HMCN2: variants seen among roughly 807,000 people sequenced by gnomAD.
HMCN2 encodes hemicentin-2.
Under a neutral mutation model 377.5 loss-of-function variants are expected in HMCN2, and 325 were observed. That is an observed-to-expected ratio of 0.86 (90% CI 0.79 to 0.94). The LOEUF (loss-of-function observed/expected upper bound fraction) is 0.94. Ranked by LOEUF, HMCN2 falls within the 40% of genes least tolerant of loss-of-function variation. The pLI is 0.00. For synonymous variants in HMCN2, 2,007 were observed against 2,046.8 expected (o/e 0.98, Z 0.53); for missense variants, 4,543 against 4,725.3 (o/e 0.96, Z 1.13).
chr9:130,427,177 T>C (rs2131822710), intron 90 of HMCN2, 136 bp from the exon 91 acceptor site: 2 of 884,392 alleles, frequency 2.3e-6, no homozygotes, highest in Non-Finnish European at 3.5e-6. Context: ...GAAATGGGCT[T>C]GCTGACTCTC....
In HMCN2 at chr9:130,304,636, C is replaced by T. The variant is rs1836734865; in HGVS notation, c.1544-94C>T. The T allele has an allele frequency of 7.8e-6, 3 of 385,208 alleles. No homozygotes were observed. The highest frequency in any genetic ancestry group is 1.6e-5 in the Non-Finnish European group (3 of 186,350). The allele number at this position is 385,208 out of a possible 1,614,324, so 23.9% of individuals were successfully genotyped here. A position where few individuals can be genotyped will look rare whatever the true frequency, so the allele number is the denominator to read the frequency against. On this transcript the variant is annotated intron_variant, in intron 10 of 97. Transcript: ENST00000683500. The surrounding 1 kb of genome is among the most constrained non-coding windows in gnomAD (Gnocchi z 4.3). ...TGATCTGGTTCGGGTGGGCCTGCACCTCAGGGTGGGGTTCTGGGCAGCACC... is the reference window on the plus strand; with the variant it reads ...TGATCTGGTTCGGGTGGGCCTGCACTTCAGGGTGGGGTTCTGGGCAGCACC...
At position 130,347,283 on chromosome 9, in the gene HMCN2, C is replaced by G. The variant is rs1019084927; in HGVS notation, c.3947C>G (p.Ala1316Gly). 2.0e-5 allele frequency: 3 copies of G among 152,174 alleles called. No homozygotes were observed. Among genetic ancestry groups the G allele is most frequent in the African/African-American group, 7.2e-5 (3 of 41,412 alleles). 9.4% of individuals were successfully genotyped at this position (152,174 alleles called of 1,614,324 possible). Residue 1316 changes from alanine (A) to glycine (G), a missense_variant, in exon 26 of 98, where the codon GCG becomes GGG. Physicochemically the swap from Ala to Gly is moderately conservative, Grantham distance 60 (BLOSUM62 0). Coordinates refer to ENST00000683500, the MANE Select transcript of HMCN2 (RefSeq NM_001291815.2). This position sits in a 1 kb window ranked among gnomAD's most constrained non-coding sequence, Gnocchi z 5.1. ...GSLFLASVSP[A>G]DSGDYECQAT... The stretch of plus-strand genomic sequence containing the variant: ...CTGTTCCTGGCCTCCGTCTCACCTG[C>G]GGATAGTGGAGACTACGAGTGCCAG...
At chr9:130,388,275 A>T in intron 61 of HMCN2, 134 bp from the exon 62 acceptor site, 1 of 544,538 alleles carries the variant, frequency 1.8e-6, no homozygotes, top group Non-Finnish European at 2.4e-6. Context: ...GGTTCTATTT[A>T]CATTTGTGAA....
intron 97 of HMCN2, 31 bp from the exon 98 acceptor site, chr9:130,433,317 C>T (rs1159000443): frequency 2.9e-6 from 4 of 1,397,634 alleles, no homozygotes; most frequent in Non-Finnish European, 2.8e-6. Context: ...ACCCCCGAGT[C>T]CGCCTGTCCG....
rs62579551 is a variant in HMCN2 at position 130,360,165 on chromosome 9, C to T, written c.5774-263C>T. ...TGGGCAACATTGCCCGGTTCCATCCCGGTTCCCTTTCCTGAATGAAGAACT... is the reference window on the plus strand; with the variant it reads ...TGGGCAACATTGCCCGGTTCCATCCTGGTTCCCTTTCCTGAATGAAGAACT... On this transcript the variant is annotated intron_variant, in intron 37 of 97. Coordinates refer to ENST00000683500, the MANE Select transcript of HMCN2 (RefSeq NM_001291815.2). This position sits in a 1 kb window ranked among gnomAD's most constrained non-coding sequence, Gnocchi z 4.7. Among the ~76,000 whole-genome samples, 16,835 of 152,150 alleles carry T rather than the reference C, an allele frequency of 0.11. 1,006 individuals carry two copies. Among genetic ancestry groups the T allele is most frequent in the African/African-American group, 0.16 (6,431 of 41,488 alleles).
intron 76 of HMCN2, 55 bp downstream of exon 76, chr9:130,399,687 G>A (rs1340137115): frequency 2.6e-5 from 31 of 1,180,246 alleles, no homozygotes; most frequent in South Asian, 4.0e-5. Context: ...GCGCCTTCCC[G>A]CTCTTGGGTG....
At chr9:130,322,312 T>TAGAAACTAGCAGATGC (rs1837894566) in intron 19 of HMCN2, among the ~76,000 whole-genome samples, 1 of 133,482 alleles carries the variant, frequency 7.5e-6, no homozygotes, top group African/African-American at 2.8e-5. Flanking sequence ...CTATCATCTA[T>TAGAAACTAGCAGATGC]CTATCTAATC....
chr9:130,345,342 T>TAGTG (rs1250384284), intron 25 of HMCN2, among the ~76,000 whole-genome samples: 40,753 of 143,896 alleles, frequency 0.28, 6,109 homozygotes, highest in African/African-American at 0.43. Context: ...GTGTGTATGT[T>TAGTG]TGTGGTGTGT....
At chr9:130,284,524 T>G (rs986873993) in intron 1 of HMCN2, 79 bp from the exon 2 acceptor site, 4 of 464,736 alleles carry the variant, frequency 8.6e-6, no homozygotes, top group South Asian at 1.6e-5. Flanking sequence ...TCCATCCTCA[T>G]GTCGCCGACA....
rs1021871279 is a variant in HMCN2 at position 130,379,191 on chromosome 9, G to A, written c.8213-58G>A. 11 of 546,248 alleles carry A rather than the reference G, an allele frequency of 2.0e-5. No individual in the cohort carries two copies. In the African/African-American group the frequency reaches 2.3e-4, roughly 11 times the overall value. The allele number at this position is 546,248 out of a possible 1,614,324, so 33.8% of individuals were successfully genotyped here. On this transcript the variant is annotated intron_variant, in intron 53 of 97. Coordinates refer to ENST00000683500, the MANE Select transcript of HMCN2 (RefSeq NM_001291815.2). ...GCTGGGACGAGAATCTCCGTGAGCA[G>A]AGGTGCATTCCCCACCCCTCTGCTG...
In HMCN2 at chr9:130,366,131, G is replaced by T. The variant is rs150717855; in HGVS notation, c.6625+136G>T. On this transcript the variant is annotated intron_variant, in intron 43 of 97. Coordinates refer to ENST00000683500, the MANE Select transcript of HMCN2 (RefSeq NM_001291815.2). ...TATACCTCGAGGGGGTGGGGATGCT[G>T]GTTACAGAAGTGGTGCTTCCCCCAG... 205 of 626,824 alleles carry T rather than the reference G, an allele frequency of 3.3e-4. No individual in the cohort carries two copies. The African/African-American group carries it at 3.9e-3, about 12-fold the overall frequency. 38.8% of individuals were successfully genotyped at this position (626,824 alleles called of 1,614,324 possible). A position where few individuals can be genotyped will look rare whatever the true frequency, so the allele number is the denominator to read the frequency against.
rs987093527 is a variant in HMCN2 at position 130,391,530 on chromosome 9, A to G, written c.9908A>G (p.Asn3303Ser). The G allele has an allele frequency of 9.1e-6, 9 of 987,724 alleles. No homozygotes were observed. The highest frequency in any genetic ancestry group is 1.1e-5 in the Non-Finnish European group (9 of 830,138). The allele number at this position is 987,724 out of a possible 1,614,324, so 61.2% of individuals were successfully genotyped here. Reference protein sequence around the residue: ...DAGAYTCVAHNPAGEDARLHT... With the variant: ...DAGAYTCVAHSPAGEDARLHT... ...GGTGCCTACACCTGCGTGGCCCACA[A>G]CCCAGCCGGGGAGGACGCCAGGCTG... Residue 3303 changes from asparagine (N) to serine (S), a missense_variant, in exon 65 of 98, where the codon AAC becomes AGC. By Grantham distance (46) the Asn-to-Ser change is conservative (BLOSUM62 1). This residue lies in a region of HMCN2 where 1,073 missense variants were observed against 1,319.5 expected (regional missense o/e 0.81). Transcript: ENST00000683500.
intron 90 of HMCN2, 28 bp from the exon 91 acceptor site, chr9:130,427,285 C>T: frequency 6.5e-7 from 1 of 1,549,910 alleles, no homozygotes; most frequent in Non-Finnish European, 8.7e-7. Flanking sequence ...CCCTCATGTC[C>T]TTAGAGTCTA....
chr9:130,308,711 C>G lies in HMCN2; in HGVS notation c.2200+1145C>G, dbSNP rs1174461991. On this transcript the variant is annotated intron_variant, in intron 14 of 97. Transcript: ENST00000683500. The surrounding 1 kb of genome is among the most constrained non-coding windows in gnomAD (Gnocchi z 4.1). ...GGCCAAGAACCCCGTCAACCCAGCC[C>G]TAGAGCCCCACTTTAAAAGGTGGCC... Among the ~76,000 whole-genome samples the G allele has an allele frequency of 6.6e-6, 1 of 152,202 alleles. No homozygotes were observed. The highest frequency in any genetic ancestry group is 1.5e-5 in the Non-Finnish European group (1 of 68,026).
In HMCN2 at chr9:130,374,680, G is replaced by A. The variant is rs933834890; in HGVS notation, c.7617G>A (p.Gln2539=). The change falls in exon 49 of 98, where the codon CAG becomes CAA. Residue 2539 remains glutamine, a synonymous_variant. Coordinates refer to ENST00000683500, the MANE Select transcript of HMCN2 (RefSeq NM_001291815.2). ...NAVGEKTKHF[Q]LSVLLAPTIL... ...TTGGGGAGAAGACCAAACACTTCCA[G>A]CTCAGTGTCCTGTGTAAGTTTTGGG... is the stretch of plus-strand genomic sequence containing the variant. 3 of 985,700 alleles carry A rather than the reference G, an allele frequency of 3.0e-6. No homozygotes were observed. The African/African-American group carries it at 5.2e-5, about 17-fold the overall frequency. 61.1% of individuals were successfully genotyped at this position (985,700 alleles called of 1,614,324 possible).
At chr9:130,272,251 G>GT (rs1834444567) in intron 1 of HMCN2, among the ~76,000 whole-genome samples, 3 of 148,296 alleles carry the variant, frequency 2.0e-5, no homozygotes, top group South Asian at 2.2e-4. Flanking sequence ...TTTTGTTTTT[G>GT]TTTTTTTGAG....
chr9:130,276,882 C>G (rs548311800), intron 1 of HMCN2, among the ~76,000 whole-genome samples: 1 of 152,262 alleles, frequency 6.6e-6, no homozygotes, highest in South Asian at 2.1e-4. Flanking sequence ...TACCTGGGGT[C>G]ACTGCAGCTG....
intron 3 of HMCN2, among the ~76,000 whole-genome samples, 181 bp downstream of exon 3, chr9:130,285,497 G>A (rs1212575655): frequency 2.0e-5 from 3 of 152,252 alleles, no homozygotes; most frequent in Admixed American, 6.5e-5. Flanking sequence ...GGCCCAGGAA[G>A]TGTGAGTGTG....
At chr9:130,345,994 T>G (rs1437466478) in intron 25 of HMCN2, among the ~76,000 whole-genome samples, 4 of 152,026 alleles carry the variant, frequency 2.6e-5, no homozygotes, top group African/African-American at 4.8e-5. Context: ...GCCCACAGCA[T>G]AAGTGTCTAC....
Sources: gnomAD v4.1 joint callset for allele counts (sites outside exome capture counted in the v4.1 genomes callset) on GRCh38, gnomAD v4.1.1 for gene constraint, gnomAD v4.1.1 regional missense constraint, Gnocchi (gnomAD v3.1) non-coding constraint, MANE v1.5 for transcripts, NCBI Gene and HGNC (gene_info 2026-07-23, HGNC 2026-07-21) for gene names.